The following ZNF618 variants were observed in gnomAD, a reference collection of about 807,000 sequenced individuals.
ZNF618 encodes neural precursor cell expressed, developmentally down-regulated 10.
In ZNF618, 34 loss-of-function variants were observed where a neutral mutation model predicts 103.0. The ratio of observed to expected loss-of-function variants is 0.33; its 90% CI spans 0.25 to 0.44. The LOEUF is 0.44. Among genes scored for constraint, ZNF618 ranks in the 20% least tolerant of loss-of-function variants. The pLI is 1.00. For synonymous variants in ZNF618, 551 were observed against 542.2 expected (o/e 1.02, Z -0.23); for missense variants, 1,059 against 1,295.4 (o/e 0.82, Z 2.80).
At chr9:113,923,099 T>C (rs761864911) in intron 1 of ZNF618, among the ~76,000 whole-genome samples, 43 of 152,206 alleles carry the variant, frequency 2.8e-4, no homozygotes, top group Non-Finnish European at 5.9e-4. Flanking sequence ...CAGATCCCAG[T>C]TCTTCATTGC....
chr9:113,933,954 T>C (rs1833826498), intron 1 of ZNF618, among the ~76,000 whole-genome samples: 1 of 151,706 alleles, frequency 6.6e-6, no homozygotes, highest in African/African-American at 2.4e-5. Flanking sequence ...GAAATTGAGA[T>C]CATGGCATGG....
At chr9:113,968,000 G>C (rs1837576299) in intron 1 of ZNF618, among the ~76,000 whole-genome samples, 1 of 152,114 alleles carries the variant, frequency 6.6e-6, no homozygotes, top group Admixed American at 6.5e-5. Flanking sequence ...GATTTTGCCA[G>C]TTTGCAACTT....
chr9:114,001,614 T>G (rs945760867), intron 4 of ZNF618, among the ~76,000 whole-genome samples: 1 of 152,216 alleles, frequency 6.6e-6, no homozygotes, highest in Admixed American at 6.5e-5. Flanking sequence ...TGCTAGAAAT[T>G]ATTGTAATGC....
chr9:114,008,220 G>T, intron 7 of ZNF618, 124 bp from the exon 8 acceptor site: 3 of 1,367,918 alleles, frequency 2.2e-6, no homozygotes, highest in Non-Finnish European at 3.0e-6. Flanking sequence ...GCCCTCCTGG[G>T]CCCCAAGGCA....
intron 2 of ZNF618, among the ~76,000 whole-genome samples, chr9:113,973,977 A>T (rs1838248031): frequency 6.6e-6 from 1 of 152,140 alleles, no homozygotes; most frequent in African/African-American, 2.4e-5. Context: ...ATCAAATCTC[A>T]TCCATGCATT....
At chr9:114,005,298 C>T (rs762743675) in intron 6 of ZNF618, among the ~76,000 whole-genome samples, 5 of 152,194 alleles carry the variant, frequency 3.3e-5, no homozygotes, top group Admixed American at 6.5e-5. Context: ...GTTCTGAAAA[C>T]GTGCTTTCAC....
intron 1 of ZNF618, among the ~76,000 whole-genome samples, chr9:113,951,440 TAC>T (rs760139132): frequency 3.4e-4 from 10 of 29,454 alleles, no homozygotes; most frequent in African/African-American, 4.5e-4. Flanking sequence ...TGTATATATA[TAC>T]ATATATGTGT....
intron 1 of ZNF618, among the ~76,000 whole-genome samples, chr9:113,905,521 C>T (rs1426442707): frequency 2.6e-5 from 4 of 152,200 alleles, no homozygotes; most frequent in Admixed American, 2.6e-4. Context: ...CACAACAATC[C>T]ATAAAACCTA....
At chr9:113,905,872 C>T (rs560669056) in intron 1 of ZNF618, among the ~76,000 whole-genome samples, 1 of 152,306 alleles carries the variant, frequency 6.6e-6, no homozygotes, top group South Asian at 2.1e-4. Flanking sequence ...GCTTGGTTTT[C>T]CCCTCCCTGC....
chr9:113,886,424 G>A (rs1310555736), intron 1 of ZNF618, among the ~76,000 whole-genome samples: 1 of 152,114 alleles, frequency 6.6e-6, no homozygotes, highest in Non-Finnish European at 1.5e-5. Context: ...AGATGTAGTC[G>A]GGGAACTTAG....
At chr9:114,031,262 C>T (rs1350185218) in intron 11 of ZNF618, among the ~76,000 whole-genome samples, 1 of 152,004 alleles carries the variant, frequency 6.6e-6, no homozygotes, top group Non-Finnish European at 1.5e-5. Flanking sequence ...AGACCGAGAA[C>T]AGAGGGGCCT....
chr9:114,050,001 A>G lies in ZNF618; in HGVS notation c.2699A>G (p.His900Arg). The G allele has an allele frequency of 6.2e-7, 1 of 1,613,930 alleles. No individual in the cohort carries two copies. The highest frequency in any genetic ancestry group is 8.5e-7 in the Non-Finnish European group (1 of 1,179,890). Residue 900 changes from histidine to arginine, a missense_variant, in exon 15 of 15, where the codon CAC (histidine) becomes CGC (arginine). By Grantham distance (29) the His-to-Arg change is conservative. Coordinates refer to ENST00000374126, the MANE Select transcript of ZNF618 (RefSeq NM_001318042.2). ...FQYWSCVTQK[H>R]TKLAKLAFWL... ...TACTGGTCGTGCGTTACCCAAAAGCACACAAAACTCGCCAAGCTCGCCTTC... is the reference window on the plus strand; with the variant it reads ...TACTGGTCGTGCGTTACCCAAAAGCGCACAAAACTCGCCAAGCTCGCCTTC...
intron 2 of ZNF618, among the ~76,000 whole-genome samples, chr9:113,987,637 C>T (rs4641141): frequency 0.56 from 85,114 of 152,098 alleles, 24,184 homozygotes; most frequent in Middle Eastern, 0.77. Flanking sequence ...AAACCCTTAC[C>T]GCCCAAAGCG....
chr9:113,989,652 C>G (rs897414617), intron 3 of ZNF618, among the ~76,000 whole-genome samples: 1 of 152,252 alleles, frequency 6.6e-6, no homozygotes, highest in Non-Finnish European at 1.5e-5. Context: ...TCTGGCTCAC[C>G]TCCTACTGAC....
At chr9:114,001,332 A>G (rs1841183423) in intron 4 of ZNF618, among the ~76,000 whole-genome samples, 1 of 133,172 alleles carries the variant, frequency 7.5e-6, no homozygotes, top group Non-Finnish European at 1.7e-5. Flanking sequence ...AGGGAACAAG[A>G]CAACTCCTCA....
intron 10 of ZNF618, among the ~76,000 whole-genome samples, chr9:114,025,856 C>A (rs565246414): frequency 6.6e-6 from 1 of 152,334 alleles, no homozygotes; most frequent in African/African-American, 2.4e-5. Flanking sequence ...CCTGGCCGCT[C>A]ACGCATTGAT....
At chr9:113,987,491 C>G (rs1839594649) in intron 2 of ZNF618, among the ~76,000 whole-genome samples, 1 of 152,200 alleles carries the variant, frequency 6.6e-6, no homozygotes, top group Non-Finnish European at 1.5e-5. Flanking sequence ...TCCATGACAT[C>G]TCAACCTAGT....
chr9:113,902,208 C>G (rs911017914), intron 1 of ZNF618, among the ~76,000 whole-genome samples: 1 of 152,118 alleles, frequency 6.6e-6, no homozygotes, highest in African/African-American at 2.4e-5. Flanking sequence ...TTTGCTAAAC[C>G]TCTCTGTTTC....
chr9:113,885,431 A>G (rs1328518642), intron 1 of ZNF618, among the ~76,000 whole-genome samples: 4 of 152,238 alleles, frequency 2.6e-5, no homozygotes, highest in African/African-American at 9.6e-5. Context: ...TATTAGTGCT[A>G]TGCTGGGTAA....
Sources: gnomAD v4.1 joint callset for allele counts (sites outside exome capture counted in the v4.1 genomes callset) on GRCh38, gnomAD v4.1.1 for gene constraint, MANE v1.5 for transcripts, NCBI Gene and HGNC (gene_info 2026-07-23, HGNC 2026-07-21) for gene names.